FOXRED1: variants seen among roughly 807,000 people sequenced by gnomAD.
FOXRED1 encodes the protein FAD dependent oxidoreductase domain containing 1, also known as FAD-dependent oxidoreductase domain-containing protein 1.
A neutral mutation model predicts 57.8 loss-of-function variants in FOXRED1; 52 were observed. The ratio of observed to expected loss-of-function variants is 0.90; its 90% CI spans 0.72 to 1.13. The LOEUF (loss-of-function observed/expected upper bound fraction) is 1.13. Among genes scored for constraint, FOXRED1 ranks in the 50% most tolerant of loss-of-function variants. FOXRED1 has a pLI of 0.00. For synonymous variants in FOXRED1, 271 were observed against 248.3 expected (o/e 1.09, Z -0.86); for missense variants, 589 against 625.2 (o/e 0.94, Z 0.62).
rs754952690 is a variant in FOXRED1 at position 126,275,429 on chromosome 11, G to A, written c.733+1G>A. ...CTTTTCTGCCAGGGAGAGGTGACAC[G>A]TGAGTCTGAGCTTGTTTCCTCTAGC... On this transcript the variant is annotated splice_donor_variant, in intron 6 of 10. Transcript: ENST00000263578. LOFTEE classifies it high-confidence loss of function. The surrounding 1 kb of genome is among the most constrained non-coding windows in gnomAD (Gnocchi z 5.9). 2.4e-5 allele frequency: 39 copies of A among 1,596,840 alleles called. No individual in the cohort carries two copies. In the South Asian group the frequency reaches 3.4e-4, roughly 14 times the overall value.
In FOXRED1 at chr11:126,270,422, C is replaced by A. The variant is rs78035999; in HGVS notation, c.86-1015C>A. On this transcript the variant is annotated intron_variant, in intron 1 of 10. Transcript: ENST00000263578. ...GGTGAAGGTAAACACAGCCTCCCCC[C>A]TCATGGATTTTAGAGTATGTAACAA... Among the ~76,000 whole-genome samples the A allele has an allele frequency of 8.9e-3, 1,360 of 152,332 alleles. 135 individuals are homozygous for A. In the East Asian group the frequency reaches 0.22, roughly 25 times the overall value.
Position 126,277,151 on chromosome 11 carries a change from G to T in FOXRED1, c.1182G>T (p.Arg394Ser). The change falls in exon 10 of 11, where the codon AGG becomes AGT. Residue 394 changes from arginine to serine, a missense_variant. By Grantham distance (110) the Arg-to-Ser change is moderately radical. Coordinates refer to ENST00000263578, the MANE Select transcript of FOXRED1 (RefSeq NM_017547.4). The surrounding 1 kb of genome is among the most constrained non-coding windows in gnomAD (Gnocchi z 6.8). ...QDKVWPHLAL[R>S]VPAFETLKVQ... ...AGGTGTGGCCCCATTTGGCCCTGAG[G>T]GTCCCAGCTTTTGAGACTCTGAAGG... 1 of 1,611,988 alleles carries T rather than the reference G, an allele frequency of 6.2e-7. No individual in the cohort carries two copies. Among genetic ancestry groups the T allele is most frequent in the Non-Finnish European group, 8.5e-7 (1 of 1,178,380 alleles).
rs1370994351 is a variant in FOXRED1 at position 126,277,752 on chromosome 11, C to G, written c.*63C>G. The G allele has an allele frequency of 1.9e-6, 3 of 1,552,864 alleles. No homozygotes were observed. Among genetic ancestry groups the G allele is most frequent in the Non-Finnish European group, 2.7e-6 (3 of 1,126,342 alleles). On this transcript the variant is annotated 3_prime_UTR_variant, in exon 11 of 11. Coordinates refer to ENST00000263578, the MANE Select transcript of FOXRED1 (RefSeq NM_017547.4). This position sits in a 1 kb window ranked among gnomAD's most constrained non-coding sequence, Gnocchi z 6.8. ...CTGGCTGTGTTCACAGCCTTGTTTGCTGCTTCCATCTTCCCCAGTACTGTG... is the reference window on the plus strand; with the variant it reads ...CTGGCTGTGTTCACAGCCTTGTTTGGTGCTTCCATCTTCCCCAGTACTGTG...
Position 126,272,377 on chromosome 11 carries a change from C to T in FOXRED1, c.307-592C>T. On this transcript the variant is annotated intron_variant, in intron 2 of 10. Coordinates refer to ENST00000263578, the MANE Select transcript of FOXRED1 (RefSeq NM_017547.4). This position sits in a 1 kb window ranked among gnomAD's most constrained non-coding sequence, Gnocchi z 4.6. ...CCCAGGCTGGAGTACGGTATAACCT[C>T]CACCTCCCAGGCTCAAGTGGTCCTC... 1 of 182,284 alleles carries T rather than the reference C, an allele frequency of 5.5e-6. No homozygotes were observed. Among genetic ancestry groups the T allele is most frequent in the Non-Finnish European group, 1.2e-5 (1 of 85,684 alleles). The allele number at this position is 182,284 out of a possible 1,614,324, so 11.3% of individuals were successfully genotyped here. A position where few individuals can be genotyped will look rare whatever the true frequency, so the allele number is the denominator to read the frequency against.
Position 126,272,869 on chromosome 11 carries a change from C to T in FOXRED1, c.307-100C>T, listed in dbSNP as rs2298452. On this transcript the variant is annotated intron_variant, in intron 2 of 10. Coordinates refer to ENST00000263578, the MANE Select transcript of FOXRED1 (RefSeq NM_017547.4). This position sits in a 1 kb window ranked among gnomAD's most constrained non-coding sequence, Gnocchi z 4.6. ...GATTATAGACTTGCAAATAGGACTC[C>T]CCTTCAACTTTAGGTGTATAGCTCG... 0.06 allele frequency: 45,407 copies of T among 758,918 alleles called. 2,289 individuals are homozygous for T. The highest frequency in any genetic ancestry group is 0.17 in the East Asian group (6,945 of 40,642). 47.0% of individuals were successfully genotyped at this position (758,918 alleles called of 1,614,324 possible). A position where few individuals can be genotyped will look rare whatever the true frequency, so the allele number is the denominator to read the frequency against.
At chr11:126,276,555 G>A in intron 9 of FOXRED1, 32 bp downstream of exon 9, 2 of 1,596,090 alleles carry the variant, frequency 1.3e-6, no homozygotes, top group Non-Finnish European at 1.7e-6. Flanking sequence ...ATGCTGGCAA[G>A]GAGACATAGA....
chr11:126,276,951 T>G, intron 9 of FOXRED1, 120 bp from the exon 10 acceptor site: 1 of 750,410 alleles, frequency 1.3e-6, no homozygotes, highest in South Asian at 1.4e-5. Context: ...TAGAGCCCCC[T>G]CCAGATTTGA....
In FOXRED1 at chr11:126,276,574, C is replaced by CA. The variant is rs781743164; in HGVS notation, c.1101+52dup. ...TGGCAAGGAGACATAGAATAATTGT[C>CA]ACGAAACAATCAGGCTTTTGGCCAG... On this transcript the variant is annotated intron_variant, in intron 9 of 10. Coordinates refer to ENST00000263578, the MANE Select transcript of FOXRED1 (RefSeq NM_017547.4). The CA allele has an allele frequency of 3.4e-4, 535 of 1,584,262 alleles. 1 individual carries two copies. The highest frequency in any genetic ancestry group is 7.0e-5 in the Non-Finnish European group (81 of 1,160,574).
Position 126,271,933 on chromosome 11 carries a change from C to A in FOXRED1, c.306+276C>A. ...AGCTCTGGTCATGAGAGCCTGCATTCAAGCTATAATTAAGTGTCTCAATTT... is the reference window on the plus strand; with the variant it reads ...AGCTCTGGTCATGAGAGCCTGCATTAAAGCTATAATTAAGTGTCTCAATTT... On this transcript the variant is annotated intron_variant, in intron 2 of 10. Coordinates refer to ENST00000263578, the MANE Select transcript of FOXRED1 (RefSeq NM_017547.4). This position sits in a 1 kb window ranked among gnomAD's most constrained non-coding sequence, Gnocchi z 5.3. The A allele has an allele frequency of 1.2e-5, 5 of 416,742 alleles. No homozygotes were observed. Among genetic ancestry groups the A allele is most frequent in the Middle Eastern group, 7.5e-4 (1 of 1,330 alleles). The allele number at this position is 416,742 out of a possible 1,614,324, so 25.8% of individuals were successfully genotyped here.
At position 126,277,443 on chromosome 11, in the gene FOXRED1, C is replaced by A. The variant is rs368782286; in HGVS notation, c.1215C>A (p.Ser405Arg). ...VPAFETLKVQ[S>R]AWAGYYDYNT... ...GTTTTGTGCACCCGCAGGTTCAGAG[C>A]GCCTGGGCCGGCTATTACGACTACA... The change falls in exon 11 of 11, where the codon AGC (serine) becomes AGA (arginine). Residue 405 changes from serine to arginine, a missense_variant. By Grantham distance (110) the Ser-to-Arg change is moderately radical. Coordinates refer to ENST00000263578, the MANE Select transcript of FOXRED1 (RefSeq NM_017547.4). The surrounding 1 kb of genome is among the most constrained non-coding windows in gnomAD (Gnocchi z 6.8). 3 of 1,613,054 alleles carry A rather than the reference C, an allele frequency of 1.9e-6. No homozygotes were observed. The South Asian group carries it at 3.3e-5, about 18-fold the overall frequency.
In FOXRED1 at chr11:126,271,570, G is replaced by A. The variant is rs1388979203; in HGVS notation, c.219G>A (p.Val73=). 11 of 1,614,230 alleles carry A rather than the reference G, an allele frequency of 6.8e-6. No homozygotes were observed. The highest frequency in any genetic ancestry group is 9.3e-6 in the Non-Finnish European group (11 of 1,180,050). ...HSDVVIVGGG[V]LGLSVAYWLK... ...ATGTGGTGATCGTGGGAGGTGGGGTGCTTGGCTTGTCTGTGGCCTATTGGC... is the reference window on the plus strand; with the variant it reads ...ATGTGGTGATCGTGGGAGGTGGGGTACTTGGCTTGTCTGTGGCCTATTGGC... Residue 73 remains valine, a synonymous_variant, in exon 2 of 11, where the codon GTG becomes GTA. Coordinates refer to ENST00000263578, the MANE Select transcript of FOXRED1 (RefSeq NM_017547.4). The surrounding 1 kb of genome is among the most constrained non-coding windows in gnomAD (Gnocchi z 5.3).
chr11:126,274,323 G>A lies in FOXRED1; in HGVS notation c.537-604G>A. The A allele has an allele frequency of 5.9e-6, 1 of 170,718 alleles. No homozygotes were observed. The highest frequency in any genetic ancestry group is 1.3e-5 in the Non-Finnish European group (1 of 78,038). The allele number at this position is 170,718 out of a possible 1,614,324, so 10.6% of individuals were successfully genotyped here. A position where few individuals can be genotyped will look rare whatever the true frequency, so the allele number is the denominator to read the frequency against. ...AGAGGAGGTGGATCCAGGCAGGAGTGGAGGGAACAAGGTTACCACCTTGTT... is the reference window on the plus strand; with the variant it reads ...AGAGGAGGTGGATCCAGGCAGGAGTAGAGGGAACAAGGTTACCACCTTGTT... On this transcript the variant is annotated intron_variant, in intron 4 of 10. Transcript: ENST00000263578. This position sits in a 1 kb window ranked among gnomAD's most constrained non-coding sequence, Gnocchi z 4.8.
rs900444681 is a variant in FOXRED1, at chr11:126,276,455, A to G, written c.1033A>G (p.Thr345Ala). 6.2e-6 allele frequency: 10 copies of G among 1,607,824 alleles called. No individual in the cohort carries two copies. The African/African-American group carries it at 1.1e-4, about 17-fold the overall frequency. ...PGLETPLVAD[T>A]SGAYFRREGL... ...CCTAGAGACTCCGCTTGTTGCAGAC[A>G]CCAGTGGAGCCTATTTTCGCCGGGA... The change falls in exon 9 of 11, where the codon ACC becomes GCC. Residue 345 changes from threonine to alanine, a missense_variant. Coordinates refer to ENST00000263578, the MANE Select transcript of FOXRED1 (RefSeq NM_017547.4).
Position 126,273,189 on chromosome 11 carries a change from T to A in FOXRED1, c.417+110T>A. The A allele has an allele frequency of 1.0e-6, 1 of 953,792 alleles. No homozygotes were observed. Among genetic ancestry groups the A allele is most frequent in the Non-Finnish European group, 1.7e-6 (1 of 578,054 alleles). 59.1% of individuals were successfully genotyped at this position (953,792 alleles called of 1,614,324 possible). On this transcript the variant is annotated intron_variant, in intron 3 of 10. Coordinates refer to ENST00000263578, the MANE Select transcript of FOXRED1 (RefSeq NM_017547.4). This position sits in a 1 kb window ranked among gnomAD's most constrained non-coding sequence, Gnocchi z 5.9. ...AGAGAGCAAGAATGGGTCAGCCAAC[T>A]AGGAGAGGGGGGCCCTGGCCTTCTT...
chr11:126,271,846 T>C lies in FOXRED1; in HGVS notation c.306+189T>C. ...TCTTCCTCAGTCGAACCAGGAAGCT[T>C]GGCAATAAGGTTTGTTCTTTTGAAA... is the stretch of plus-strand genomic sequence containing the variant. On this transcript the variant is annotated intron_variant, in intron 2 of 10. Coordinates refer to ENST00000263578, the MANE Select transcript of FOXRED1 (RefSeq NM_017547.4). This position sits in a 1 kb window ranked among gnomAD's most constrained non-coding sequence, Gnocchi z 5.3. 1.6e-6 allele frequency: 1 copy of C among 626,384 alleles called. No homozygotes were observed. The highest frequency in any genetic ancestry group is 2.9e-6 in the Non-Finnish European group (1 of 345,590). The allele number at this position is 626,384 out of a possible 1,614,324, so 38.8% of individuals were successfully genotyped here.
rs750277666 is a variant in FOXRED1 at position 126,275,782 on chromosome 11, T to C, written c.734-12T>C. 2.5e-6 allele frequency: 4 copies of C among 1,595,582 alleles called. No homozygotes were observed. Among genetic ancestry groups the C allele is most frequent in the Admixed American group, 1.7e-5 (1 of 59,980 alleles). The stretch of plus-strand genomic sequence containing the variant: ...CACCTCTACGGCCTATTTTTCATTT[T>C]CTTCTCTGCAGGTTTTGTCTCTTCA... On this transcript the variant is annotated splice_polypyrimidine_tract_variant and intron_variant, in intron 6 of 10. Coordinates refer to ENST00000263578, the MANE Select transcript of FOXRED1 (RefSeq NM_017547.4). This position sits in a 1 kb window ranked among gnomAD's most constrained non-coding sequence, Gnocchi z 5.9.
chr11:126,272,743 G>C lies in FOXRED1; in HGVS notation c.307-226G>C, dbSNP rs1951023662. ...CAGGCCATTACCATTTTGTACCACT[G>C]TGTCAGCTCTTTCCAGATGACTGAC... On this transcript the variant is annotated intron_variant, in intron 2 of 10. Coordinates refer to ENST00000263578, the MANE Select transcript of FOXRED1 (RefSeq NM_017547.4). This position sits in a 1 kb window ranked among gnomAD's most constrained non-coding sequence, Gnocchi z 4.6. 1.6e-6 allele frequency: 1 copy of C among 609,840 alleles called. No individual in the cohort carries two copies. The highest frequency in any genetic ancestry group is 1.9e-5 in the South Asian group (1 of 52,322). 37.8% of individuals were successfully genotyped at this position (609,840 alleles called of 1,614,324 possible).
At position 126,272,657 on chromosome 11, in the gene FOXRED1, A is replaced by C. The variant is rs1289749129; in HGVS notation, c.307-312A>C. The C allele has an allele frequency of 8.9e-6, 4 of 449,744 alleles. No homozygotes were observed. The highest frequency in any genetic ancestry group is 2.0e-5 in the African/African-American group (1 of 50,384). 27.9% of individuals were successfully genotyped at this position (449,744 alleles called of 1,614,324 possible). A position where few individuals can be genotyped will look rare whatever the true frequency, so the allele number is the denominator to read the frequency against. Reference sequence around the variant, plus strand: ...GCCACGAGTCTTGCTACTTTACTTCAATCATAACCTTTCATTTCCCAAATG... The same window carrying C: ...GCCACGAGTCTTGCTACTTTACTTCCATCATAACCTTTCATTTCCCAAATG... On this transcript the variant is annotated intron_variant, in intron 2 of 10. Transcript: ENST00000263578. This position sits in a 1 kb window ranked among gnomAD's most constrained non-coding sequence, Gnocchi z 4.6.
Position 126,277,360 on chromosome 11 carries a change from C to CTG in FOXRED1, c.1207-74_1207-73dup. Reference sequence around the variant, plus strand: ...AGCAGCAGGTAGAGGGTACTCTGTGCTGAGCCCTGAGGGGAGTGAGGATGG... The same window carrying CTG: ...AGCAGCAGGTAGAGGGTACTCTGTGCTGTGAGCCCTGAGGGGAGTGAGGATGG... On this transcript the variant is annotated intron_variant, in intron 10 of 10. Coordinates refer to ENST00000263578, the MANE Select transcript of FOXRED1 (RefSeq NM_017547.4). This position sits in a 1 kb window ranked among gnomAD's most constrained non-coding sequence, Gnocchi z 6.8. The CTG allele has an allele frequency of 6.4e-7, 1 of 1,555,954 alleles. No individual in the cohort carries two copies. The highest frequency in any genetic ancestry group is 1.1e-5 in the South Asian group (1 of 89,488).
Sources: allele counts gnomAD v4.1 joint callset (sites outside exome capture counted in the v4.1 genomes callset), GRCh38; gene constraint gnomAD v4.1.1; non-coding constraint Gnocchi (gnomAD v3.1); transcripts MANE v1.5; gene names NCBI Gene and HGNC (gene_info 2026-07-23, HGNC 2026-07-21).